The following CTDSPL variants were observed in gnomAD, a reference collection of about 807,000 sequenced individuals.
CTDSPL encodes the protein CTD small phosphatase like.
Under a neutral mutation model 30.5 loss-of-function variants are expected in CTDSPL, and 8 were observed. The ratio of observed to expected loss-of-function variants is 0.26; its 90% CI spans 0.15 to 0.47. The LOEUF is 0.47. Among genes scored for constraint, CTDSPL ranks in the 20% least tolerant of loss-of-function variants. The pLI, the probability that CTDSPL is intolerant of heterozygous loss-of-function variation, is 0.99. For synonymous variants in CTDSPL, 110 were observed against 137.9 expected, an observed-to-expected ratio of 0.80 and a Z score of 1.42; for missense variants, 248 against 366.1, an observed-to-expected ratio of 0.68 and a Z score of 2.63.
intron 3 of CTDSPL, among the ~76,000 whole-genome samples, chr3:37,958,905 C>G (rs1454903524): frequency 6.6e-6 from 1 of 152,248 alleles, no homozygotes; most frequent in African/African-American, 2.4e-5. Flanking sequence ...CCCAGTCCAT[C>G]CGGGCCAGCT....
intron 1 of CTDSPL, among the ~76,000 whole-genome samples, chr3:37,867,331 A>G (rs1385576783): frequency 6.6e-6 from 1 of 152,154 alleles, no homozygotes; most frequent in East Asian, 1.9e-4. Flanking sequence ...TGACATGGAT[A>G]TACCACAGTT....
At chr3:37,943,535 G>T (rs374899329) in intron 1 of CTDSPL, among the ~76,000 whole-genome samples, 3 of 150,314 alleles carry the variant, frequency 2.0e-5, no homozygotes, top group Admixed American at 1.3e-4. Context: ...AATGAAAATC[G>T]TTACGGAATA....
Position 37,974,340 on chromosome 3 carries a change from C to T in CTDSPL, c.520-1369C>T, listed in dbSNP as rs1424643891. Among the ~76,000 whole-genome samples the T allele has an allele frequency of 3.3e-5, 5 of 152,232 alleles. No homozygotes were observed. In the East Asian group the frequency reaches 9.6e-4, roughly 29 times the overall value. On this transcript the variant is annotated intron_variant, in intron 6 of 7. Coordinates refer to ENST00000273179, the MANE Select transcript of CTDSPL (RefSeq NM_001008392.2). ...TGTTCCCACGGAATCATAGCTGCTG[C>T]TTGCAGCTTTGCAGCCCACGTCCCA...
chr3:37,916,322 T>C (rs989143683), intron 1 of CTDSPL, among the ~76,000 whole-genome samples: 8 of 152,234 alleles, frequency 5.3e-5, no homozygotes, highest in African/African-American at 1.9e-4. Context: ...GGTGTTTTTT[T>C]TACTGTGGTG....
intron 2 of CTDSPL, among the ~76,000 whole-genome samples, chr3:37,955,850 T>G (rs1699166512): frequency 6.6e-6 from 1 of 152,200 alleles, no homozygotes; most frequent in Non-Finnish European, 1.5e-5. Context: ...AATAAAAGTT[T>G]TTTTAAAAGT....
chr3:37,877,180 T>C (rs1402918515), intron 1 of CTDSPL, among the ~76,000 whole-genome samples: 1 of 152,172 alleles, frequency 6.6e-6, no homozygotes, highest in African/African-American at 2.4e-5. Flanking sequence ...TACATTCATA[T>C]TGCTGTGCAG....
intron 1 of CTDSPL, among the ~76,000 whole-genome samples, chr3:37,869,167 T>G (rs775872472): frequency 5.3e-5 from 8 of 152,128 alleles, no homozygotes; most frequent in Non-Finnish European, 8.8e-5. Flanking sequence ...AATTGATACA[T>G]CATAGTTTTA....
intron 3 of CTDSPL, among the ~76,000 whole-genome samples, chr3:37,957,712 G>A (rs1455235510): frequency 6.6e-6 from 1 of 152,114 alleles, no homozygotes; most frequent in Non-Finnish European, 1.5e-5. Context: ...CCCCAGCTGG[G>A]CGCTCCCTGA....
chr3:37,970,997 G>A (rs1359187444), intron 5 of CTDSPL, among the ~76,000 whole-genome samples: 4 of 152,208 alleles, frequency 2.6e-5, no homozygotes, highest in African/African-American at 9.7e-5. Flanking sequence ...TGCTGGGCCT[G>A]GACCTCTGAA....
In CTDSPL at chr3:37,982,278, C is replaced by T. The variant is rs1699501052; in HGVS notation, c.*1411C>T. 1 of 329,368 alleles carries T rather than the reference C, an allele frequency of 3.0e-6. No individual in the cohort carries two copies. 20.4% of individuals were successfully genotyped at this position (329,368 alleles called of 1,614,324 possible). On this transcript the variant is annotated 3_prime_UTR_variant, in exon 8 of 8. Transcript: ENST00000273179. The stretch of plus-strand genomic sequence containing the variant: ...GCCTGTCTAGATGTGGGACTCATTG[C>T]CCCAAACCAGGGAGAGGAAGAGCTC...
intron 1 of CTDSPL, among the ~76,000 whole-genome samples, chr3:37,908,520 T>A (rs1698543693): frequency 6.6e-6 from 1 of 152,244 alleles, no homozygotes; most frequent in Admixed American, 6.5e-5. Flanking sequence ...CAACATTTAT[T>A]AGCCATTCCC....
At position 37,916,729 on chromosome 3, in the gene CTDSPL, T is replaced by C. The variant is rs115526587; in HGVS notation, c.80-30328T>C. Among the ~76,000 whole-genome samples the C allele has an allele frequency of 8.3e-3, 1,269 of 152,326 alleles. 15 individuals carry two copies. The highest frequency in any genetic ancestry group is 0.029 in the African/African-American group (1,196 of 41,556). ...ACAATAAATTTCTGTTGTTTTAAGCTATCCTGCTTGTGGTACTTTGATATA... is the reference window on the plus strand; with the variant it reads ...ACAATAAATTTCTGTTGTTTTAAGCCATCCTGCTTGTGGTACTTTGATATA... On this transcript the variant is annotated intron_variant, in intron 1 of 7. Transcript: ENST00000273179.
At chr3:37,930,255 AT>A (rs2125614844) in intron 1 of CTDSPL, among the ~76,000 whole-genome samples, 1 of 151,494 alleles carries the variant, frequency 6.6e-6, no homozygotes, top group Admixed American at 6.6e-5. Context: ...TAAAATTTTA[AT>A]TTTTATTTTA....
At chr3:37,914,120 A>G (rs1318862188) in intron 1 of CTDSPL, among the ~76,000 whole-genome samples, 1 of 152,116 alleles carries the variant, frequency 6.6e-6, no homozygotes, top group African/African-American at 2.4e-5. Context: ...TCCAAATAAC[A>G]TTTTAGAATT....
intron 1 of CTDSPL, among the ~76,000 whole-genome samples, chr3:37,885,685 C>T (rs1466426130): frequency 1.3e-5 from 2 of 152,104 alleles, no homozygotes; most frequent in Non-Finnish European, 2.9e-5. Flanking sequence ...AAGAAGAATG[C>T]TCTGCAGAAG....
intron 1 of CTDSPL, among the ~76,000 whole-genome samples, chr3:37,881,080 A>G (rs961926443): frequency 1.3e-5 from 2 of 151,954 alleles, no homozygotes; most frequent in Non-Finnish European, 2.9e-5. Flanking sequence ...CTCATGTTTC[A>G]GCTTGGAAGA....
intron 6 of CTDSPL, among the ~76,000 whole-genome samples, chr3:37,974,353 A>C (rs1699401624): frequency 6.6e-6 from 1 of 152,220 alleles, no homozygotes; most frequent in Non-Finnish European, 1.5e-5. Flanking sequence ...GCAGCTTTGC[A>C]GCCCACGTCC....
intron 1 of CTDSPL, among the ~76,000 whole-genome samples, chr3:37,936,777 A>C (rs1698921206): frequency 6.6e-6 from 1 of 152,110 alleles, no homozygotes; most frequent in South Asian, 2.1e-4. Context: ...GTGAAGAAAT[A>C]GCCTTCACTT....
chr3:37,939,319 G>T (rs1029504160), intron 1 of CTDSPL, among the ~76,000 whole-genome samples: 1 of 150,214 alleles, frequency 6.7e-6, no homozygotes, highest in Non-Finnish European at 1.5e-5. Flanking sequence ...TTGTTGCTAC[G>T]GAGGTAGGTG....
Sources: gnomAD v4.1 joint callset for allele counts (sites outside exome capture counted in the v4.1 genomes callset) on GRCh38, gnomAD v4.1.1 for gene constraint, MANE v1.5 for transcripts, NCBI Gene and HGNC (gene_info 2026-07-23, HGNC 2026-07-21) for gene names.